The following PCDHGA3 variants were observed in gnomAD, a reference collection of about 807,000 sequenced individuals.
The protein encoded by PCDHGA3 is protocadherin gamma subfamily A, 3.
Under a neutral mutation model 58.5 loss-of-function variants are expected in PCDHGA3, and 40 were observed. The ratio of observed to expected loss-of-function variants is 0.68; its 90% CI spans 0.53 to 0.89. PCDHGA3 has a LOEUF of 0.89. PCDHGA3 is among the 40% of genes least tolerant of loss of function. PCDHGA3 has a pLI of 0.00. For synonymous variants in PCDHGA3, 530 were observed against 525.7 expected (o/e 1.01, Z -0.11); for missense variants, 1,223 against 1,195.9 (o/e 1.02, Z -0.33).
rs1176011355 is a variant in PCDHGA3 at position 141,485,491 on chromosome 5, G to A, written c.2425-9316G>A. The A allele has an allele frequency of 1.2e-6, 2 of 1,614,142 alleles. No individual in the cohort carries two copies. Among genetic ancestry groups the A allele is most frequent in the Non-Finnish European group, 1.7e-6 (2 of 1,180,040 alleles). On this transcript the variant is annotated intron_variant, in intron 1 of 3. Transcript: ENST00000253812. This position sits in a 1 kb window ranked among gnomAD's most constrained non-coding sequence, Gnocchi z 5.7. ...TCAGTGCCAGCTGCATCGTGCCCCT[G>A]GAGTTTGTCACCGAAGGTCCTTTGG...
chr5:141,361,707 G>A lies in PCDHGA3; in HGVS notation c.2424+15250G>A. On this transcript the variant is annotated intron_variant, in intron 1 of 3. Transcript: ENST00000253812. Reference sequence around the variant, plus strand: ...CGCAGCGCGCCTTCGATCATGAGCAGCTGCGCGCCTTCGAGCTCACACTGC... The same window carrying A: ...CGCAGCGCGCCTTCGATCATGAGCAACTGCGCGCCTTCGAGCTCACACTGC... The A allele has an allele frequency of 1.9e-6, 3 of 1,613,422 alleles. No individual in the cohort carries two copies. In the South Asian group the frequency reaches 3.3e-5, roughly 18 times the overall value.
intron 1 of PCDHGA3, chr5:141,417,768 C>T: frequency 6.9e-7 from 1 of 1,451,358 alleles, no homozygotes; most frequent in Non-Finnish European, 9.1e-7. Context: ...ACCCGGGACT[C>T]CTCCTGTCCT....
chr5:141,478,045 T>A, intron 1 of PCDHGA3: 1 of 1,614,144 alleles, frequency 6.2e-7, no homozygotes, highest in Non-Finnish European at 8.5e-7. Context: ...CCAGGCAGAC[T>A]CTCACGGTCT....
At chr5:141,442,837 A>G (rs2098346617) in intron 1 of PCDHGA3, among the ~76,000 whole-genome samples, 1 of 152,202 alleles carries the variant, frequency 6.6e-6, no homozygotes, top group Admixed American at 6.5e-5. Flanking sequence ...GGGAGGGACA[A>G]ATCTTGGCCA....
chr5:141,448,099 T>C (rs1002430560), intron 1 of PCDHGA3, among the ~76,000 whole-genome samples: 1 of 151,272 alleles, frequency 6.6e-6, no homozygotes, highest in African/African-American at 2.4e-5. Context: ...AAAAAAAAAA[T>C]TAAAAGAAAA....
At position 141,431,776 on chromosome 5, in the gene PCDHGA3, C is replaced by A; in HGVS notation, c.2425-63031C>A. Reference sequence around the variant, plus strand: ...CCAAAGTCCTGATCACTGTTCTGGACGTGAACGACAATGCCCCAGAAGTGG... The same window carrying A: ...CCAAAGTCCTGATCACTGTTCTGGAAGTGAACGACAATGCCCCAGAAGTGG... On this transcript the variant is annotated intron_variant, in intron 1 of 3. Coordinates refer to ENST00000253812, the MANE Select transcript of PCDHGA3 (RefSeq NM_018916.4). The surrounding 1 kb of genome is among the most constrained non-coding windows in gnomAD (Gnocchi z 4.8). The A allele has an allele frequency of 6.2e-7, 1 of 1,614,228 alleles. No homozygotes were observed. The highest frequency in any genetic ancestry group is 8.5e-7 in the Non-Finnish European group (1 of 1,180,044).
At chr5:141,418,672 G>A (rs1170411469) in intron 1 of PCDHGA3, 3 of 1,614,022 alleles carry the variant, frequency 1.9e-6, no homozygotes, top group Non-Finnish European at 2.5e-6. Context: ...ACCAGGACGA[G>A]GGCATCAACT....
intron 1 of PCDHGA3, chr5:141,356,562 T>C (rs1760257750): frequency 6.2e-7 from 1 of 1,614,042 alleles, no homozygotes; most frequent in Admixed American, 1.7e-5. Context: ...CTTTCCCTCA[T>C]GCTTCCTACT....
chr5:141,388,592 T>C (rs1435796614), intron 1 of PCDHGA3: 1 of 1,613,880 alleles, frequency 6.2e-7, no homozygotes, highest in Non-Finnish European at 8.5e-7. Context: ...CTGATGCCAA[T>C]GATAATGCTC....
chr5:141,359,142 A>C (rs903512422), intron 1 of PCDHGA3, among the ~76,000 whole-genome samples: 1 of 152,224 alleles, frequency 6.6e-6, no homozygotes, highest in Non-Finnish European at 1.5e-5. Flanking sequence ...AGTAAGCTGG[A>C]ATATGATATG....
rs928895484 is a variant in PCDHGA3, at chr5:141,346,115, G to C, written c.2082G>C (p.Val694=). Residue 694 remains valine, a synonymous_variant, in exon 1 of 4, where the codon GTG becomes GTC. Transcript: ENST00000253812. ...PNDSDLTLYL[V]VAVAAVSCVF... The stretch of plus-strand genomic sequence containing the variant: ...ATTCGGACCTCACTCTGTACCTGGT[G>C]GTGGCGGTGGCCGCGGTCTCCTGCG... The C allele has an allele frequency of 6.2e-7, 1 of 1,613,808 alleles. No individual in the cohort carries two copies. The highest frequency in any genetic ancestry group is 1.3e-5 in the African/African-American group (1 of 74,938).
At chr5:141,376,417 G>T (rs750081761) in intron 1 of PCDHGA3, 2 of 1,614,148 alleles carry the variant, frequency 1.2e-6, no homozygotes, top group South Asian at 1.1e-5. Flanking sequence ...ATGCCGACAC[G>T]CTTATCAACC....
At chr5:141,494,999 G>T in intron 2 of PCDHGA3, 134 bp downstream of exon 2, 1 of 1,531,046 alleles carries the variant, frequency 6.5e-7, no homozygotes, top group Non-Finnish European at 8.8e-7. Context: ...GGGAGGTCTT[G>T]GTGTGCGGGG....
intron 1 of PCDHGA3, chr5:141,357,505 A>G: frequency 6.2e-7 from 1 of 1,614,212 alleles, no homozygotes. Context: ...GAGTCACCTG[A>G]TCTTCTCCCA....
chr5:141,392,498 A>AT (rs201401101), intron 1 of PCDHGA3: 334 of 217,284 alleles, frequency 1.5e-3, no homozygotes, highest in East Asian at 0.014. Flanking sequence ...TAAGCAAATG[A>AT]TTTTTTTTTC....
intron 1 of PCDHGA3, among the ~76,000 whole-genome samples, chr5:141,447,896 G>C (rs2098554754): frequency 6.6e-6 from 1 of 152,022 alleles, no homozygotes; most frequent in African/African-American, 2.4e-5. Flanking sequence ...GACCAGCCTG[G>C]CCAACATGGT....
intron 1 of PCDHGA3, chr5:141,392,643 AAGAC>A: frequency 1.5e-6 from 1 of 663,020 alleles, no homozygotes; most frequent in Middle Eastern, 4.0e-4. Context: ...ACACCTCACG[AAGAC>A]CCGCAGATGC....
At chr5:141,370,773 A>G in intron 1 of PCDHGA3, 2 of 1,614,002 alleles carry the variant, frequency 1.2e-6, no homozygotes, top group Non-Finnish European at 1.7e-6. Flanking sequence ...CCAGGATATT[A>G]ACGACAACCC....
chr5:141,476,666 G>T lies in PCDHGA3; in HGVS notation c.2425-18141G>T. 9 of 1,614,246 alleles carry T rather than the reference G, an allele frequency of 5.6e-6. No homozygotes were observed. Among genetic ancestry groups the T allele is most frequent in the Non-Finnish European group, 7.6e-6 (9 of 1,180,044 alleles). ...CCGAAATGAATACTTTGCGCTTCGC[G>T]TGCAGACGCGGGAGGACAGCACCAA... On this transcript the variant is annotated intron_variant, in intron 1 of 3. Transcript: ENST00000253812. This position sits in a 1 kb window ranked among gnomAD's most constrained non-coding sequence, Gnocchi z 7.6.
Sources: gnomAD v4.1 joint callset for allele counts (sites outside exome capture counted in the v4.1 genomes callset) on GRCh38, gnomAD v4.1.1 for gene constraint, Gnocchi (gnomAD v3.1) non-coding constraint, MANE v1.5 for transcripts, NCBI Gene and HGNC (gene_info 2026-07-23, HGNC 2026-07-21) for gene names.